The following FOXP2 variants were observed in gnomAD, a reference collection of about 807,000 sequenced individuals.
The protein encoded by FOXP2 is forkhead box protein P2.
In FOXP2, 12 loss-of-function variants were observed where a neutral mutation model predicts 115.8. The ratio of observed to expected loss-of-function variants is 0.10; its 90% CI spans 0.07 to 0.17. FOXP2 has a LOEUF of 0.17. FOXP2 is among the 10% of genes least tolerant of loss of function. FOXP2 has a pLI of 1.00. For synonymous variants in FOXP2, 328 were observed against 297.7 expected, an observed-to-expected ratio of 1.10 and a Z score of -1.05; for missense variants, 629 against 843.5, an observed-to-expected ratio of 0.75 and a Z score of 3.15.
intron 2 of FOXP2, among the ~76,000 whole-genome samples, chr7:114,381,354 A>G (rs1404295880): frequency 6.6e-6 from 1 of 152,170 alleles, no homozygotes; most frequent in East Asian, 1.9e-4. Flanking sequence ...GCTTGATGGC[A>G]CAAGATTTCT....
intron 5 of FOXP2, 37 bp from the exon 6 acceptor site, chr7:114,631,491 T>C: frequency 6.4e-7 from 1 of 1,551,914 alleles, no homozygotes; most frequent in Non-Finnish European, 8.7e-7. Context: ...CAGACCATGT[T>C]CTCTGCTGTT....
At chr7:114,409,746 C>A (rs895903220), upstream of FOXP2, among the ~76,000 whole-genome samples, 1 of 152,078 alleles carries the variant, frequency 6.6e-6, no homozygotes, top group African/African-American at 2.4e-5. Context: ...TCATTCCTAT[C>A]TCTTCATACA....
intron 7 of FOXP2, among the ~76,000 whole-genome samples, chr7:114,643,635 A>G (rs896815426): frequency 9.9e-5 from 15 of 152,182 alleles, no homozygotes; most frequent in Admixed American, 8.5e-4. Context: ...ATTCATGTAC[A>G]TTTGTCCTTT....
chr7:114,435,110 A>G (rs764849264), intron 2 of FOXP2, among the ~76,000 whole-genome samples: 10 of 152,168 alleles, frequency 6.6e-5, no homozygotes, highest in South Asian at 2.1e-4. Context: ...CTGCTTATTC[A>G]TTAGGTTCAA....
At chr7:114,209,341 G>C (rs1794285607) in intron 1 of FOXP2, among the ~76,000 whole-genome samples, 1 of 152,112 alleles carries the variant, frequency 6.6e-6, no homozygotes, top group Non-Finnish European at 1.5e-5. Flanking sequence ...ACTCAGTCTT[G>C]GGTATGTCGT....
At chr7:114,173,844 A>C (rs1793214317) in intron 1 of FOXP2, among the ~76,000 whole-genome samples, 1 of 152,034 alleles carries the variant, frequency 6.6e-6, no homozygotes, top group South Asian at 2.1e-4. Context: ...TTAAAGCAGA[A>C]TAAAGCAATG....
At chr7:114,120,235 G>A (rs962796854) in intron 1 of FOXP2, among the ~76,000 whole-genome samples, 2 of 152,090 alleles carry the variant, frequency 1.3e-5, no homozygotes, top group South Asian at 4.1e-4. Context: ...CATGCTAGGA[G>A]AACAGACAGG....
chr7:114,530,078 G>A (rs1331752189), intron 2 of FOXP2, among the ~76,000 whole-genome samples: 1 of 151,606 alleles, frequency 6.6e-6, no homozygotes, highest in Admixed American at 6.6e-5. Flanking sequence ...TTTTTTTTTG[G>A]TTCTGGTTAT....
At chr7:114,301,952 T>C (rs1796888480) in intron 2 of FOXP2, among the ~76,000 whole-genome samples, 2 of 152,140 alleles carry the variant, frequency 1.3e-5, no homozygotes, top group Non-Finnish European at 2.9e-5. Flanking sequence ...CACCCATCAC[T>C]ATATGACAAC....
At chr7:114,378,520 C>CA (rs1490133203) in intron 2 of FOXP2, among the ~76,000 whole-genome samples, 1 of 151,176 alleles carries the variant, frequency 6.6e-6, no homozygotes, top group African/African-American at 2.4e-5. Context: ...CTTCTCTCTA[C>CA]AAAAAATCTA....
At chr7:114,446,741 T>C (rs1435637696) in intron 2 of FOXP2, among the ~76,000 whole-genome samples, 1 of 149,804 alleles carries the variant, frequency 6.7e-6, no homozygotes, top group East Asian at 1.9e-4. Context: ...CTCTATTTCT[T>C]TCTTTCTTTT....
At chr7:114,271,100 A>G (rs1057434620) in intron 1 of FOXP2, among the ~76,000 whole-genome samples, 4 of 151,710 alleles carry the variant, frequency 2.6e-5, no homozygotes, top group Admixed American at 6.6e-5. Context: ...TTTCTAGGCT[A>G]TCTATTTTGT....
chr7:114,122,874 A>G (rs1791603490), intron 1 of FOXP2, among the ~76,000 whole-genome samples: 2 of 152,052 alleles, frequency 1.3e-5, no homozygotes, highest in African/African-American at 4.8e-5. Flanking sequence ...TTTCTTGTAT[A>G]TGATTTTTCC....
intron 2 of FOXP2, among the ~76,000 whole-genome samples, chr7:114,498,607 G>A (rs538331288): frequency 3.2e-4 from 48 of 152,218 alleles, no homozygotes; most frequent in African/African-American, 1.1e-3. Flanking sequence ...GTTTATATGA[G>A]GATGGCATCA....
intron 1 of FOXP2, among the ~76,000 whole-genome samples, chr7:114,194,929 TTATG>T (rs1793865757): frequency 1.3e-5 from 2 of 152,166 alleles, no homozygotes; most frequent in African/African-American, 4.8e-5. Context: ...CAAAATTGCT[TTATG>T]TGTCAGAATA....
At chr7:114,616,940 G>T (rs1803983093) in intron 3 of FOXP2, among the ~76,000 whole-genome samples, 1 of 152,148 alleles carries the variant, frequency 6.6e-6, no homozygotes, top group Non-Finnish European at 1.5e-5. Flanking sequence ...TAAAAAATTA[G>T]CCAGGCATGG....
intron 1 of FOXP2, among the ~76,000 whole-genome samples, chr7:114,172,130 T>A (rs1301510427): frequency 2.0e-5 from 3 of 152,320 alleles, no homozygotes; most frequent in Non-Finnish European, 4.4e-5. Flanking sequence ...GTACATTTTT[T>A]AAAGACATAA....
intron 2 of FOXP2, among the ~76,000 whole-genome samples, chr7:114,443,627 T>C (rs1254078096): frequency 6.6e-6 from 1 of 152,144 alleles, no homozygotes; most frequent in Non-Finnish European, 1.5e-5. Context: ...ACTTTGTCCA[T>C]ATGTACTCAG....
chr7:114,573,323 G>GA (rs1801412957), intron 3 of FOXP2, among the ~76,000 whole-genome samples: 1 of 151,618 alleles, frequency 6.6e-6, no homozygotes, highest in African/African-American at 2.4e-5. Context: ...ATACTAACCA[G>GA]AAAAAATACT....
Sources: gnomAD v4.1 joint callset for allele counts (sites outside exome capture counted in the v4.1 genomes callset) on GRCh38, gnomAD v4.1.1 for gene constraint, MANE v1.5 for transcripts, NCBI Gene and HGNC (gene_info 2026-07-23, HGNC 2026-07-21) for gene names.